The following CNBD1 variants were observed in gnomAD, a reference collection of about 807,000 sequenced individuals.
The protein encoded by CNBD1 is cyclic nucleotide binding domain containing 1.
Under a neutral mutation model 54.4 loss-of-function variants are expected in CNBD1, and 71 were observed. The ratio of observed to expected loss-of-function variants is 1.30; its 90% CI spans 1.08 to 1.59. CNBD1 has a LOEUF of 1.59. Ranked by LOEUF, CNBD1 falls within the 40% of genes most tolerant of loss-of-function variation. The probability of loss-of-function intolerance (pLI) is 0.00; values close to 1 mark genes in which losing one functional copy is unlikely to be tolerated. For synonymous variants in CNBD1, 182 were observed against 170.7 expected (o/e 1.07, Z -0.51); for missense variants, 659 against 518.0 (o/e 1.27, Z -2.64).
intron 8 of CNBD1, among the ~76,000 whole-genome samples, chr8:87,301,735 G>A (rs183629752): frequency 6.6e-6 from 1 of 152,174 alleles, no homozygotes; most frequent in Non-Finnish European, 1.5e-5. Flanking sequence ...AAAAGTGATA[G>A]ACCACTAGCA....
chr8:87,407,504 C>T (rs1207181190), intron 2 of CNBD1, among the ~76,000 whole-genome samples: 1 of 151,824 alleles, frequency 6.6e-6, no homozygotes, highest in East Asian at 1.9e-4. Flanking sequence ...TTCAAGTGGG[C>T]CTGTATCTCA....
At chr8:87,034,028 G>T (rs1809854229) in intron 4 of CNBD1, among the ~76,000 whole-genome samples, 1 of 152,262 alleles carries the variant, frequency 6.6e-6, no homozygotes, top group East Asian at 1.9e-4. Flanking sequence ...GATATAAAAA[G>T]GTATTTCATA....
intron 4 of CNBD1, among the ~76,000 whole-genome samples, chr8:87,201,227 A>G (rs956977133): frequency 2.0e-5 from 3 of 152,184 alleles, no homozygotes; most frequent in Non-Finnish European, 2.9e-5. Context: ...TAATAAGAAC[A>G]GAAGAGAACT....
At chr8:87,025,067 G>A (rs563459407) in intron 4 of CNBD1, among the ~76,000 whole-genome samples, 46 of 152,088 alleles carry the variant, frequency 3.0e-4, no homozygotes, top group African/African-American at 3.4e-4. Flanking sequence ...CCAGCTGGGC[G>A]TCTGGGTAGG....
At chr8:87,215,153 A>G (rs1288238645) in intron 5 of CNBD1, among the ~76,000 whole-genome samples, 1 of 152,172 alleles carries the variant, frequency 6.6e-6, no homozygotes, top group African/African-American at 2.4e-5. Context: ...TGGGGTGAAA[A>G]AAGTGATGAA....
intron 8 of CNBD1, among the ~76,000 whole-genome samples, chr8:87,336,753 T>C (rs1266588156): frequency 6.6e-6 from 1 of 152,186 alleles, no homozygotes; most frequent in Admixed American, 6.5e-5. Flanking sequence ...AGAGGTATTA[T>C]GATCATTTAG....
chr8:87,071,840 G>A (rs1224092086), intron 4 of CNBD1, among the ~76,000 whole-genome samples: 1 of 152,082 alleles, frequency 6.6e-6, no homozygotes, highest in Admixed American at 6.6e-5. Flanking sequence ...TTGATCTAGA[G>A]CTGAGTTCAG....
intron 2 of CNBD1, among the ~76,000 whole-genome samples, chr8:87,407,808 G>A (rs1452140032): frequency 6.6e-6 from 1 of 151,844 alleles, no homozygotes; most frequent in African/African-American, 2.4e-5. Flanking sequence ...TTGAATAAGT[G>A]CCTACTTATT....
chr8:86,932,308 A>G lies in CNBD1; in HGVS notation c.273-7288A>G, dbSNP rs554680825. Among the ~76,000 whole-genome samples, 5 of 152,242 alleles carry G rather than the reference A, an allele frequency of 3.3e-5. No individual in the cohort carries two copies. The South Asian group carries it at 1.0e-3, about 32-fold the overall frequency. ...GAGAGGGAGAAAGGGACACGTATCC[A>G]TGTTGGGCCAAATTCCCCTCCCCCT... On this transcript the variant is annotated intron_variant, in intron 3 of 10. Transcript: ENST00000518476.
chr8:86,903,901 A>G (rs1808976808), intron 2 of CNBD1, among the ~76,000 whole-genome samples: 1 of 151,842 alleles, frequency 6.6e-6, no homozygotes, highest in Non-Finnish European at 1.5e-5. Context: ...CTAATAAATC[A>G]GTGGTCAGAT....
intron 8 of CNBD1, among the ~76,000 whole-genome samples, chr8:87,341,772 A>T (rs894913065): frequency 3.9e-5 from 6 of 152,198 alleles, no homozygotes; most frequent in Non-Finnish European, 8.8e-5. Context: ...AGAGAGCAAA[A>T]CCTTACCAGA....
At position 87,229,785 on chromosome 8, in the gene CNBD1, TA is replaced by T. The variant is rs143092710; in HGVS notation, c.578-7125del. On this transcript the variant is annotated intron_variant, in intron 5 of 10. Coordinates refer to ENST00000518476, the MANE Select transcript of CNBD1 (RefSeq NM_173538.3). ...CTCACTCTGCATATATGTCTGAAAT[TA>T]AAAAAAAACTTTTATTTTCAAATTT... Among the ~76,000 whole-genome samples the T allele has an allele frequency of 1.8e-4, 27 of 151,734 alleles. No individual in the cohort carries two copies. The East Asian group carries it at 2.7e-3, about 15-fold the overall frequency.
At chr8:87,384,909 G>C (rs989962674), downstream of CNBD1, among the ~76,000 whole-genome samples, 2 of 152,140 alleles carry the variant, frequency 1.3e-5, no homozygotes, top group Non-Finnish European at 2.9e-5. Context: ...GTAAAAGATG[G>C]AATCAGAGTA....
chr8:87,271,574 A>G (rs1313390795), intron 6 of CNBD1, among the ~76,000 whole-genome samples: 1 of 151,898 alleles, frequency 6.6e-6, no homozygotes, highest in Admixed American at 6.6e-5. Flanking sequence ...CTCTTGTTAG[A>G]ATGGCTTTTA....
chr8:86,981,184 C>T (rs150514171), intron 4 of CNBD1, among the ~76,000 whole-genome samples: 47 of 152,276 alleles, frequency 3.1e-4, no homozygotes, highest in Middle Eastern at 6.8e-3. Flanking sequence ...TGTGCGTGCG[C>T]GCGCGCATTG....
intron 2 of CNBD1, among the ~76,000 whole-genome samples, chr8:87,406,581 G>A (rs1183588127): frequency 6.6e-6 from 1 of 151,070 alleles, no homozygotes; most frequent in Non-Finnish European, 1.5e-5. Flanking sequence ...CTGGGTTCAA[G>A]TGATTCTCCT....
chr8:87,091,697 A>G (rs951951218), intron 4 of CNBD1, among the ~76,000 whole-genome samples: 2 of 152,214 alleles, frequency 1.3e-5, no homozygotes, highest in African/African-American at 4.8e-5. Context: ...TGATCAGGAA[A>G]TACAGTCTTG....
chr8:87,345,369 A>G (rs1810149361), intron 8 of CNBD1, among the ~76,000 whole-genome samples: 1 of 152,142 alleles, frequency 6.6e-6, no homozygotes, highest in African/African-American at 2.4e-5. Flanking sequence ...CTTGCTTAGC[A>G]TCTAATCAGT....
chr8:87,356,656 G>A (rs939704788), intron 10 of CNBD1, among the ~76,000 whole-genome samples: 1 of 152,116 alleles, frequency 6.6e-6, no homozygotes, highest in African/African-American at 2.4e-5. Context: ...TAAAAAGGAA[G>A]CAGAGCATAA....
Sources: allele counts gnomAD v4.1 joint callset (sites outside exome capture counted in the v4.1 genomes callset), GRCh38; gene constraint gnomAD v4.1.1; transcripts MANE v1.5; gene names NCBI Gene and HGNC (gene_info 2026-07-23, HGNC 2026-07-21).